The following ADARB1 variants were observed in gnomAD, a reference collection of about 807,000 sequenced individuals.
ADARB1 encodes the protein adenosine deaminase RNA specific B1.
ADARB1 carries 10 observed loss-of-function variants against 52.4 expected under a neutral mutation model. The ratio of observed to expected loss-of-function variants is 0.19; its 90% CI spans 0.12 to 0.32. The LOEUF is 0.32. Among genes scored for constraint, ADARB1 ranks in the 10% least tolerant of loss-of-function variants. The pLI, the probability that ADARB1 is intolerant of heterozygous loss-of-function variation, is 1.00. For synonymous variants in ADARB1, 349 were observed against 371.1 expected, an observed-to-expected ratio of 0.94 and a Z score of 0.68; for missense variants, 643 against 922.3, an observed-to-expected ratio of 0.70 and a Z score of 3.92.
chr21:45,166,734 A>G (rs1406006606), intron 2 of ADARB1, among the ~76,000 whole-genome samples: 1 of 152,200 alleles, frequency 6.6e-6, no homozygotes, highest in Non-Finnish European at 1.5e-5. Flanking sequence ...TGTACCTGGA[A>G]CCAAGTGAAA....
At chr21:45,131,392 A>C (rs2088923168) in intron 2 of ADARB1, among the ~76,000 whole-genome samples, 1 of 152,238 alleles carries the variant, frequency 6.6e-6, no homozygotes, top group Admixed American at 6.5e-5. Flanking sequence ...CATTGAGTGT[A>C]TGTTAAAAGT....
In ADARB1 at chr21:45,220,731, A is replaced by T; in HGVS notation, c.1748-105A>T. ...CCTCGGCAGGCAGAATTCCCCCACC[A>T]CGCACTTCTGTGGCCATGTCTGAGC... On this transcript the variant is annotated intron_variant, in intron 9 of 10. Coordinates refer to ENST00000348831, the MANE Select transcript of ADARB1 (RefSeq NM_001112.4). This position sits in a 1 kb window ranked among gnomAD's most constrained non-coding sequence, Gnocchi z 6.3. 8.1e-7 allele frequency: 1 copy of T among 1,229,050 alleles called. No homozygotes were observed. The highest frequency in any genetic ancestry group is 1.2e-6 in the Non-Finnish European group (1 of 862,640). The allele number at this position is 1,229,050 out of a possible 1,614,324, so 76.1% of individuals were successfully genotyped here. A position where few individuals can be genotyped will look rare whatever the true frequency, so the allele number is the denominator to read the frequency against.
Position 45,175,863 on chromosome 21 carries a change from C to T in ADARB1, c.162C>T (p.Pro54=). The T allele has an allele frequency of 1.2e-6, 2 of 1,613,728 alleles. No individual in the cohort carries two copies. Among genetic ancestry groups the T allele is most frequent in the African/African-American group, 1.3e-5 (1 of 74,992 alleles). The change falls in exon 4 of 11, where the codon CCC becomes CCT. Residue 54 remains proline, a synonymous_variant. Coordinates refer to ENST00000348831, the MANE Select transcript of ADARB1 (RefSeq NM_001112.4). ...GGGGGPGRKR[P]LEEGSNGHSK... ...GTGGTGGCCCCGGCAGAAAGCGGCC[C>T]CTGGAGGAGGGCAGCAATGGCCACT...
intron 8 of ADARB1, among the ~76,000 whole-genome samples, chr21:45,203,886 C>T (rs532128327): frequency 6.6e-6 from 1 of 152,194 alleles, no homozygotes; most frequent in Non-Finnish European, 1.5e-5. Context: ...GAACCCTGTA[C>T]GTGCTGGTAT....
chr21:45,075,041 C>T (rs1446931305), intron 1 of ADARB1, among the ~76,000 whole-genome samples: 2 of 151,404 alleles, frequency 1.3e-5, no homozygotes, highest in East Asian at 2.0e-4. Context: ...CCCCGCGTCC[C>T]CTCCCGAGGG....
chr21:45,221,959 GTGT>G lies in ADARB1; in HGVS notation c.1927-54_1927-52del, dbSNP rs2092972390. 1.5e-5 allele frequency: 24 copies of G among 1,553,800 alleles called. No individual in the cohort carries two copies. In the South Asian group the frequency reaches 2.8e-4, roughly 18 times the overall value. ...AGGCCATGTTTTGGTATCTTATTAG[GTGT>G]TGTTTTCATCTGTTACAGCGTCAAC... On this transcript the variant is annotated intron_variant, in intron 10 of 10. Coordinates refer to ENST00000348831, the MANE Select transcript of ADARB1 (RefSeq NM_001112.4). The surrounding 1 kb of genome is among the most constrained non-coding windows in gnomAD (Gnocchi z 4.9).
intron 9 of ADARB1, among the ~76,000 whole-genome samples, chr21:45,209,676 G>A (rs1322920384): frequency 6.6e-6 from 1 of 152,122 alleles, no homozygotes; most frequent in African/African-American, 2.4e-5. Flanking sequence ...CTCCTGTAGC[G>A]TTACATTTAT....
At chr21:45,139,933 CTTTTTTTTTTTTTTTT>C (rs200847132) in intron 2 of ADARB1, among the ~76,000 whole-genome samples, 37 of 84,938 alleles carry the variant, frequency 4.4e-4, no homozygotes, top group African/African-American at 1.2e-3. Context: ...CAATAAAACT[CTTTTTTTTTTTTTTTT>C]TTTTTTTTTT....
At chr21:45,152,785 C>T (rs375475730) in intron 2 of ADARB1, 10 of 193,980 alleles carry the variant, frequency 5.2e-5, no homozygotes, top group African/African-American at 1.9e-4. Context: ...CTGGGATAGA[C>T]GGCTTTGTGA....
intron 8 of ADARB1, among the ~76,000 whole-genome samples, chr21:45,186,122 G>A (rs541974652): frequency 6.6e-6 from 1 of 152,196 alleles, no homozygotes; most frequent in African/African-American, 2.4e-5. Flanking sequence ...GGGGAGGGGG[G>A]TGTACTCTTG....
chr21:45,104,294 T>C (rs1324265153), intron 1 of ADARB1, among the ~76,000 whole-genome samples: 1 of 152,218 alleles, frequency 6.6e-6, no homozygotes, highest in Non-Finnish European at 1.5e-5. Flanking sequence ...AGTTAGGTGC[T>C]GTCCGGGTGC....
Position 45,225,607 on chromosome 21 carries a change from G to T in ADARB1, c.*3410G>T, listed in dbSNP as rs2093048208. The T allele has an allele frequency of 2.3e-6, 3 of 1,310,284 alleles. No homozygotes were observed. The highest frequency in any genetic ancestry group is 3.0e-5 in the African/African-American group (2 of 66,302). The allele number at this position is 1,310,284 out of a possible 1,614,324, so 81.2% of individuals were successfully genotyped here. A position where few individuals can be genotyped will look rare whatever the true frequency, so the allele number is the denominator to read the frequency against. On this transcript the variant is annotated 3_prime_UTR_variant, in exon 11 of 11. Coordinates refer to ENST00000348831, the MANE Select transcript of ADARB1 (RefSeq NM_001112.4). ...GTGCACAGATCTGAGGATGGGATTA[G>T]CGAAGCTGTGGAGACTGCACATCCG...
intron 2 of ADARB1, among the ~76,000 whole-genome samples, chr21:45,140,442 AGCCCAT>A (rs2145893034): frequency 6.6e-6 from 1 of 152,308 alleles, no homozygotes; most frequent in East Asian, 1.9e-4. Flanking sequence ...CGCCCCTGGC[AGCCCAT>A]GCCTTGTAGC....
At chr21:45,153,242 A>AT (rs148669575) in intron 2 of ADARB1, among the ~76,000 whole-genome samples, 1,775 of 152,028 alleles carry the variant, frequency 0.012, 37 homozygotes, top group African/African-American at 0.04. Flanking sequence ...TAAAATCTAG[A>AT]TTTTTTTTCT....
At chr21:45,156,632 A>G (rs1212708657) in intron 2 of ADARB1, among the ~76,000 whole-genome samples, 2 of 150,386 alleles carry the variant, frequency 1.3e-5, no homozygotes, top group Admixed American at 6.6e-5. Flanking sequence ...CCCATCACCC[A>G]TCAGCCATCA....
chr21:45,175,415 A>G (rs2091651933), intron 3 of ADARB1, among the ~76,000 whole-genome samples: 1 of 152,196 alleles, frequency 6.6e-6, no homozygotes. Flanking sequence ...GATAAGGTTG[A>G]AAAAGTCTAG....
intron 8 of ADARB1, among the ~76,000 whole-genome samples, chr21:45,186,329 T>A (rs2146230856): frequency 6.6e-6 from 1 of 152,366 alleles, no homozygotes; most frequent in Admixed American, 6.5e-5. Context: ...TCCTTCATGA[T>A]GGGACACCCA....
At position 45,224,945 on chromosome 21, in the gene ADARB1, C is replaced by G; in HGVS notation, c.*2748C>G. 1.0e-6 allele frequency: 1 copy of G among 984,788 alleles called. No homozygotes were observed. Among genetic ancestry groups the G allele is most frequent in the Non-Finnish European group, 1.2e-6 (1 of 829,396 alleles). 61.0% of individuals were successfully genotyped at this position (984,788 alleles called of 1,614,324 possible). The stretch of plus-strand genomic sequence containing the variant: ...GTTTCATTGACGTGTCACTCTCCAT[C>G]CAGTGTCCTTGATGTGGCTTTTAGA... On this transcript the variant is annotated 3_prime_UTR_variant, in exon 11 of 11. Transcript: ENST00000348831.
chr21:45,198,496 A>C (rs1050170229), intron 8 of ADARB1, among the ~76,000 whole-genome samples: 1 of 113,396 alleles, frequency 8.8e-6, no homozygotes, highest in Non-Finnish European at 2.0e-5. Flanking sequence ...ATTAAATTAA[A>C]TCACACACAC....
Sources: allele counts gnomAD v4.1 joint callset (sites outside exome capture counted in the v4.1 genomes callset), GRCh38; gene constraint gnomAD v4.1.1; non-coding constraint Gnocchi (gnomAD v3.1); transcripts MANE v1.5; gene names NCBI Gene and HGNC (gene_info 2026-07-23, HGNC 2026-07-21).